Variants in CRX observed in about 807,000 individuals in gnomAD.
CRX encodes cone-rod homeobox, also known as cone-rod homeobox protein.
Under a neutral mutation model 13.1 loss-of-function variants are expected in CRX, and 5 were observed. The ratio of observed to expected loss-of-function variants is 0.38; its 90% CI spans 0.20 to 0.80. CRX has a LOEUF of 0.80. CRX is among the 30% of genes least tolerant of loss of function. CRX has a pLI of 0.43. For missense variants in CRX, 351 were observed against 391.8 expected, an observed-to-expected ratio of 0.90 and a Z score of 0.88; for synonymous variants, 179 against 171.1, an observed-to-expected ratio of 1.05 and a Z score of -0.36.
Position 47,832,103 on chromosome 19 carries a change from A to ATTTTTTTT in CRX, c.-35-2305_-35-2304insTTTTTTTT, listed in dbSNP as rs1968054388. Among the ~76,000 whole-genome samples the ATTTTTTTT allele has an allele frequency of 1.8e-4, 10 of 55,198 alleles. 1 individual carries two copies. The highest frequency in any genetic ancestry group is 2.4e-4 in the Non-Finnish European group (6 of 24,658). The allele number at this position is 55,198 out of a possible 152,430, so 36.2% of individuals were successfully genotyped here. On this transcript the variant is annotated intron_variant, in intron 1 of 3. Transcript: ENST00000221996. Reference sequence around the variant, plus strand: ...TAAAATCAGTTCAGAGAGCAGCCTTATGTTTTTTTTTTTTTTTTTTGAGAC... The same window carrying ATTTTTTTT: ...TAAAATCAGTTCAGAGAGCAGCCTTATTTTTTTTTGTTTTTTTTTTTTTTTTTTGAGAC...
chr19:47,840,403 G>GT lies in CRX; in HGVS notation c.*440dup, dbSNP rs1311929282. 2 of 213,700 alleles carry GT rather than the reference G, an allele frequency of 9.4e-6. No individual in the cohort carries two copies. Among genetic ancestry groups the GT allele is most frequent in the African/African-American group, 4.7e-5 (2 of 42,336 alleles). 13.2% of individuals were successfully genotyped at this position (213,700 alleles called of 1,614,324 possible). ...CCACGTGGACAGAATTTTTTTTTTT[G>GT]TTTTGTTTTTGTTTTGCAGACACAG... On this transcript the variant is annotated 3_prime_UTR_variant, in exon 4 of 4. Coordinates refer to ENST00000221996, the MANE Select transcript of CRX (RefSeq NM_000554.6).
intron 1 of CRX, among the ~76,000 whole-genome samples, chr19:47,827,075 C>T (rs1967982830): frequency 6.6e-6 from 1 of 152,190 alleles, no homozygotes; most frequent in African/African-American, 2.4e-5. Context: ...CTGCAATATC[C>T]TGTTGGTTAC....
intron 1 of CRX, among the ~76,000 whole-genome samples, chr19:47,830,017 AT>A (rs2123734017): frequency 6.7e-6 from 1 of 148,928 alleles, no homozygotes; most frequent in East Asian, 1.9e-4. Context: ...GAATATATAA[AT>A]ATTATAATTT....
At chr19:47,828,214 A>G (rs989447345) in intron 1 of CRX, among the ~76,000 whole-genome samples, 3 of 152,152 alleles carry the variant, frequency 2.0e-5, no homozygotes, top group African/African-American at 7.2e-5. Context: ...CGGAACCAAG[A>G]AGTTCAATTC....
chr19:47,825,765 C>CAAAAAAAAAAA (rs774130693), intron 1 of CRX, among the ~76,000 whole-genome samples: 3 of 143,496 alleles, frequency 2.1e-5, no homozygotes, highest in Non-Finnish European at 3.1e-5. Context: ...ACTAAAAATA[C>CAAAAAAAAAAA]AAAAAAAAAA....
intron 3 of CRX, among the ~76,000 whole-genome samples, chr19:47,838,612 T>C (rs1039533979): frequency 1.3e-5 from 2 of 152,122 alleles, no homozygotes; most frequent in Non-Finnish European, 2.9e-5. Context: ...TGAATGTATG[T>C]ATGATGTATA....
chr19:47,840,209 C>A lies in CRX; in HGVS notation c.*242C>A. The A allele has an allele frequency of 3.8e-6, 2 of 530,598 alleles. No homozygotes were observed. Among genetic ancestry groups the A allele is most frequent in the East Asian group, 3.3e-5 (1 of 30,236 alleles). 32.9% of individuals were successfully genotyped at this position (530,598 alleles called of 1,614,324 possible). ...CTCTCAACCCTAACACCGTCTGGCA[C>A]GATTGTGACCGCTGAAGTACACCAC... On this transcript the variant is annotated 3_prime_UTR_variant, in exon 4 of 4. Transcript: ENST00000221996.
In CRX at chr19:47,839,992, A is replaced by T. The variant is rs778106655; in HGVS notation, c.*25A>T. ...GAGGACGCAGTCTCCATCTCTCTCCATCGGGCCTCGGGACCCTTTCTCTTC... is the reference window on the plus strand; with the variant it reads ...GAGGACGCAGTCTCCATCTCTCTCCTTCGGGCCTCGGGACCCTTTCTCTTC... On this transcript the variant is annotated 3_prime_UTR_variant, in exon 4 of 4. Transcript: ENST00000221996. The surrounding 1 kb of genome is among the most constrained non-coding windows in gnomAD (Gnocchi z 4.6). The T allele has an allele frequency of 1.2e-6, 2 of 1,610,306 alleles. No individual in the cohort carries two copies. Among genetic ancestry groups the T allele is most frequent in the Non-Finnish European group, 1.7e-6 (2 of 1,179,554 alleles).
At chr19:47,833,375 G>A (rs190772089) in intron 1 of CRX, among the ~76,000 whole-genome samples, 91 of 151,768 alleles carry the variant, frequency 6.0e-4, no homozygotes, top group African/African-American at 2.1e-3. Context: ...TCTGCCTCCC[G>A]GGTTCCAGTG....
rs1568625924 is a variant in CRX at position 47,839,249 on chromosome 19, C to T, written c.253-71C>T. The stretch of plus-strand genomic sequence containing the variant: ...CCTCTCACCAATAAGTGTCCTCATC[C>T]CCGGGCACCCTGCGGCTCTCCTGGG... On this transcript the variant is annotated intron_variant, in intron 3 of 3. Transcript: ENST00000221996. This position sits in a 1 kb window ranked among gnomAD's most constrained non-coding sequence, Gnocchi z 4.6. 6.5e-7 allele frequency: 1 copy of T among 1,526,934 alleles called. No individual in the cohort carries two copies. The highest frequency in any genetic ancestry group is 8.9e-7 in the Non-Finnish European group (1 of 1,126,640). 94.6% of individuals were successfully genotyped at this position (1,526,934 alleles called of 1,614,324 possible).
rs11666244 is a variant in CRX, at chr19:47,842,984, C to T, written c.*3017C>T. ...AGGCCAAGGGGCCCCCATCACAGGCCGATGGGGTAAGACTTCGAGAGAGCC... is the reference window on the plus strand; with the variant it reads ...AGGCCAAGGGGCCCCCATCACAGGCTGATGGGGTAAGACTTCGAGAGAGCC... On this transcript the variant is annotated 3_prime_UTR_variant, in exon 4 of 4. Coordinates refer to ENST00000221996, the MANE Select transcript of CRX (RefSeq NM_000554.6). The T allele has an allele frequency of 0.3, 45,926 of 152,036 alleles. 7,952 individuals are homozygous for T. The highest frequency in any genetic ancestry group is 0.4 in the Non-Finnish European group (27,171 of 67,994). The allele number at this position is 152,036 out of a possible 1,614,324, so 9.4% of individuals were successfully genotyped here.
chr19:47,829,757 G>A (rs900586485), intron 1 of CRX, among the ~76,000 whole-genome samples: 2 of 151,596 alleles, frequency 1.3e-5, no homozygotes, highest in African/African-American at 4.8e-5. Flanking sequence ...AGCCTCCTGA[G>A]TAGCTGAGAC....
At chr19:47,824,960 C>T (rs1201197892) in intron 1 of CRX, among the ~76,000 whole-genome samples, 1 of 150,296 alleles carries the variant, frequency 6.7e-6, no homozygotes, top group South Asian at 2.1e-4. Context: ...TTTTTCCTCC[C>T]CAGGAGACAG....
chr19:47,828,167 T>C (rs1034966730), intron 1 of CRX, among the ~76,000 whole-genome samples: 1 of 148,714 alleles, frequency 6.7e-6, no homozygotes, highest in Non-Finnish European at 1.5e-5. Context: ...AAAAAAAAAA[T>C]TTTTTTTTCC....
At chr19:47,837,867 A>G (rs1968137695) in intron 3 of CRX, among the ~76,000 whole-genome samples, 1 of 152,136 alleles carries the variant, frequency 6.6e-6, no homozygotes, top group Non-Finnish European at 1.5e-5. Flanking sequence ...TGTGTGTATG[A>G]CATATATATG....
At chr19:47,838,727 T>C (rs1317903843) in intron 3 of CRX, among the ~76,000 whole-genome samples, 1 of 151,638 alleles carries the variant, frequency 6.6e-6, no homozygotes, top group Non-Finnish European at 1.5e-5. Context: ...ATGTTTGTAT[T>C]AGATGGGTGG....
chr19:47,825,047 G>C (rs1027739929), intron 1 of CRX, among the ~76,000 whole-genome samples: 2 of 143,080 alleles, frequency 1.4e-5, no homozygotes, highest in Non-Finnish European at 3.0e-5. Context: ...TTGGAATGCA[G>C]TGGTGCAATC....
chr19:47,842,627 C>G lies in CRX; in HGVS notation c.*2660C>G, dbSNP rs1040105333. 1 of 151,968 alleles carries G rather than the reference C, an allele frequency of 6.6e-6. No individual in the cohort carries two copies. The highest frequency in any genetic ancestry group is 1.5e-5 in the Non-Finnish European group (1 of 68,016). The allele number at this position is 151,968 out of a possible 1,614,324, so 9.4% of individuals were successfully genotyped here. Reference sequence around the variant, plus strand: ...ATAACCCAGGAGTGGCTCAAGAGTCCAGTGTGGGATGAAAATATAAACAGA... The same window carrying G: ...ATAACCCAGGAGTGGCTCAAGAGTCGAGTGTGGGATGAAAATATAAACAGA... On this transcript the variant is annotated 3_prime_UTR_variant, in exon 4 of 4. Coordinates refer to ENST00000221996, the MANE Select transcript of CRX (RefSeq NM_000554.6).
chr19:47,833,252 T>C (rs1386799527), intron 1 of CRX, among the ~76,000 whole-genome samples: 2 of 145,542 alleles, frequency 1.4e-5, no homozygotes, highest in Non-Finnish European at 3.0e-5. Context: ...CTGTCGTTTT[T>C]TTGTTTGTTT....
Sources: gnomAD v4.1 joint callset for allele counts (sites outside exome capture counted in the v4.1 genomes callset) on GRCh38, gnomAD v4.1.1 for gene constraint, Gnocchi (gnomAD v3.1) non-coding constraint, MANE v1.5 for transcripts, NCBI Gene and HGNC (gene_info 2026-07-23, HGNC 2026-07-21) for gene names.